RBFOX1: variants seen among roughly 807,000 people sequenced by gnomAD.
The protein encoded by RBFOX1 is RNA binding fox-1 homolog 1.
RBFOX1 carries 8 observed loss-of-function variants against 57.7 expected under a neutral mutation model. The ratio of observed to expected loss-of-function variants is 0.14; its 90% CI spans 0.08 to 0.25. The LOEUF (loss-of-function observed/expected upper bound fraction) is 0.25. Ranked by LOEUF, RBFOX1 falls within the 10% of genes least tolerant of loss-of-function variation. RBFOX1 has a pLI of 1.00. For missense variants in RBFOX1, 611 were observed against 548.5 expected (o/e 1.11, Z -1.14); for synonymous variants, 326 against 222.4 (o/e 1.47, Z -4.15).
chr16:7,229,568 G>C (rs576627124), intron 4 of RBFOX1, among the ~76,000 whole-genome samples: 45 of 145,460 alleles, frequency 3.1e-4, no homozygotes, highest in Admixed American at 5.5e-4. Context: ...GGAAGGGAGG[G>C]AGGGGAAGGA....
intron 15 of RBFOX1, chr16:7,710,114 A>C: frequency 9.9e-7 from 1 of 1,006,566 alleles, no homozygotes; most frequent in Non-Finnish European, 1.2e-6. Context: ...TACATCAAGC[A>C]ATTCATCTGT....
rs539354112 is a variant in RBFOX1, at chr16:7,506,880, G to A, written c.28-11267G>A. 2.6e-5 allele frequency among the ~76,000 whole-genome samples: 4 copies of A among 152,258 alleles called. No homozygotes were observed. In the East Asian group the frequency reaches 7.7e-4, roughly 29 times the overall value. On this transcript the variant is annotated intron_variant, in intron 4 of 15. Transcript: ENST00000550418. ...TCCAACACACATCCCTTCTTCCTGGGTTCTCCAGAGGAAGAACTTCACTGG... is the reference window on the plus strand; with the variant it reads ...TCCAACACACATCCCTTCTTCCTGGATTCTCCAGAGGAAGAACTTCACTGG...
At chr16:6,013,537 G>A (rs544225243) in intron 4 of RBFOX1, among the ~76,000 whole-genome samples, 40 of 152,178 alleles carry the variant, frequency 2.6e-4, no homozygotes, top group South Asian at 1.2e-3. Context: ...TAAACAAAAA[G>A]ACAAGCTGTA....
intron 1 of RBFOX1, among the ~76,000 whole-genome samples, chr16:6,214,722 AGAGAGGGAGAAG>A (rs1392119753): frequency 2.9e-5 from 3 of 104,908 alleles, no homozygotes; most frequent in Non-Finnish European, 5.7e-5. Flanking sequence ...AGGGAGAAGG[AGAGAGGGAGAAG>A]GAGAGGGAGA....
intron 4 of RBFOX1, among the ~76,000 whole-genome samples, chr16:7,066,779 G>T (rs1598565995): frequency 6.6e-6 from 1 of 152,260 alleles, no homozygotes; most frequent in East Asian, 1.9e-4. Context: ...GGAGAAAAGT[G>T]AAAGAAAACA....
intron 3 of RBFOX1, among the ~76,000 whole-genome samples, chr16:6,856,545 G>A (rs1233532216): frequency 2.0e-5 from 3 of 152,196 alleles, no homozygotes; most frequent in Admixed American, 6.5e-5. Context: ...CCTCATGAAT[G>A]TTCATCAAAG....
intron 3 of RBFOX1, among the ~76,000 whole-genome samples, chr16:5,836,852 C>T (rs2056474534): frequency 6.6e-6 from 1 of 152,168 alleles, no homozygotes; most frequent in African/African-American, 2.4e-5. Context: ...CCACATCAGC[C>T]CAGGCCACCT....
intron 1 of RBFOX1, among the ~76,000 whole-genome samples, chr16:5,422,280 T>A (rs1397531051): frequency 9.6e-4 from 76 of 79,458 alleles, no homozygotes; most frequent in Non-Finnish European, 1.7e-3. Context: ...AGAGGGAGAT[T>A]AGAGGAGAAG....
chr16:7,372,618 C>G (rs1027414125), intron 4 of RBFOX1, among the ~76,000 whole-genome samples: 4 of 152,112 alleles, frequency 2.6e-5, no homozygotes. Flanking sequence ...GTAATGTCTG[C>G]TAAGTGCACA....
chr16:7,557,097 A>C (rs566411366), intron 5 of RBFOX1, among the ~76,000 whole-genome samples: 1 of 152,292 alleles, frequency 6.6e-6, no homozygotes, highest in African/African-American at 2.4e-5. Context: ...GTGAGTCCAC[A>C]GAGCGAGTAT....
At chr16:6,744,849 A>G (rs903032328) in intron 3 of RBFOX1, among the ~76,000 whole-genome samples, 14 of 152,132 alleles carry the variant, frequency 9.2e-5, no homozygotes, top group Admixed American at 5.9e-4. Flanking sequence ...GTTGAAATCA[A>G]TAAAACAGGT....
intron 1 of RBFOX1, among the ~76,000 whole-genome samples, chr16:5,319,683 T>C (rs1443330199): frequency 6.6e-6 from 1 of 152,186 alleles, no homozygotes; most frequent in African/African-American, 2.4e-5. Context: ...TTTTATTAGA[T>C]AGGGAAAGTC....
At chr16:6,354,469 T>C (rs1195664350) in intron 2 of RBFOX1, among the ~76,000 whole-genome samples, 1 of 152,042 alleles carries the variant, frequency 6.6e-6, no homozygotes, top group African/African-American at 2.4e-5. Flanking sequence ...CAAAACGCTG[T>C]CTTGATCAGG....
chr16:6,317,100 C>G, intron 2 of RBFOX1, 43 bp downstream of exon 2: 4 of 1,471,422 alleles, frequency 2.7e-6, no homozygotes, highest in Middle Eastern at 1.7e-4. Flanking sequence ...TAAATACATC[C>G]ATGTCTTTGA....
chr16:7,270,979 C>T (rs185698017), intron 4 of RBFOX1, among the ~76,000 whole-genome samples: 1 of 152,166 alleles, frequency 6.6e-6, no homozygotes, highest in African/African-American at 2.4e-5. Context: ...TTGGAAGACA[C>T]ACATGTGCAA....
At position 7,673,023 on chromosome 16, in the gene RBFOX1, G is replaced by C. The variant is rs149720996; in HGVS notation, c.931-3751G>C. 9.2e-4 allele frequency among the ~76,000 whole-genome samples: 140 copies of C among 151,976 alleles called. 2 individuals carry two copies. The highest frequency in any genetic ancestry group is 3.2e-3 in the African/African-American group (132 of 41,430). ...TTGCACCAAGTGAGACTTGACCCTT[G>C]CATATTTTCATCATAAAGGGAGCCT... On this transcript the variant is annotated intron_variant, in intron 13 of 15. Transcript: ENST00000550418.
chr16:6,997,611 A>G (rs2092378727), intron 3 of RBFOX1, among the ~76,000 whole-genome samples: 1 of 152,220 alleles, frequency 6.6e-6, no homozygotes, highest in Non-Finnish European at 1.5e-5. Context: ...TTTTGCAAAC[A>G]TACCATAATT....
Position 7,620,616 on chromosome 16 carries a change from G to C in RBFOX1, c.677-9987G>C, listed in dbSNP as rs1394550347. 2.6e-4 allele frequency among the ~76,000 whole-genome samples: 40 copies of C among 152,192 alleles called. 3 individuals are homozygous for C. Among genetic ancestry groups the C allele is most frequent in the Admixed American group, 2.6e-3 (40 of 15,278 alleles). On this transcript the variant is annotated intron_variant, in intron 10 of 15. Transcript: ENST00000550418. ...TAGCTAACATCTTTAGCCAGGAAGA[G>C]TCAGGTGTTTCCTGCCAGATGGCAG...
chr16:5,678,053 C>G (rs1453265943), intron 3 of RBFOX1, among the ~76,000 whole-genome samples: 1 of 152,160 alleles, frequency 6.6e-6, no homozygotes, highest in Admixed American at 6.5e-5. Context: ...TAGGGATTCA[C>G]TATTGTGTTG....
Sources: allele counts gnomAD v4.1 joint callset (sites outside exome capture counted in the v4.1 genomes callset), GRCh38; gene constraint gnomAD v4.1.1; transcripts MANE v1.5; gene names NCBI Gene and HGNC (gene_info 2026-07-23, HGNC 2026-07-21).